ANKS1B: variants seen among roughly 807,000 people sequenced by gnomAD.
ANKS1B encodes ankyrin repeat and sterile alpha motif domain-containing protein 1B.
A neutral mutation model predicts 148.3 loss-of-function variants in ANKS1B; 36 were observed. That is an observed-to-expected ratio of 0.24 (90% CI 0.19 to 0.32). ANKS1B has a LOEUF of 0.32. Among genes scored for constraint, ANKS1B ranks in the 10% least tolerant of loss-of-function variants. The probability of loss-of-function intolerance (pLI) is 1.00; values close to 1 mark genes in which losing one functional copy is unlikely to be tolerated. For synonymous variants in ANKS1B, 542 were observed against 560.8 expected, an observed-to-expected ratio of 0.97 and a Z score of 0.47; for missense variants, 1,157 against 1,542.6, an observed-to-expected ratio of 0.75 and a Z score of 4.19.
At chr12:99,849,259 G>A (rs1428584502) in intron 1 of ANKS1B, among the ~76,000 whole-genome samples, 1 of 151,804 alleles carries the variant, frequency 6.6e-6, no homozygotes, top group Non-Finnish European at 1.5e-5. Flanking sequence ...ATATATATAT[G>A]TGTGTGTGTA....
At chr12:99,166,240 C>T (rs992567104) in intron 14 of ANKS1B, among the ~76,000 whole-genome samples, 1 of 151,296 alleles carries the variant, frequency 6.6e-6, no homozygotes, top group South Asian at 2.1e-4. Flanking sequence ...AACACTTCTA[C>T]CCAACATTGT....
intron 17 of ANKS1B, among the ~76,000 whole-genome samples, chr12:98,885,027 G>A (rs1260921409): frequency 6.6e-6 from 1 of 152,054 alleles, no homozygotes; most frequent in Non-Finnish European, 1.5e-5. Flanking sequence ...CAGTTGCACA[G>A]GCCCCAAATT....
intron 14 of ANKS1B, among the ~76,000 whole-genome samples, chr12:99,155,896 T>G (rs942094567): frequency 1.3e-5 from 2 of 152,134 alleles, no homozygotes; most frequent in Non-Finnish European, 2.9e-5. Context: ...CTTCCTACCT[T>G]GCTTCTACTC....
At chr12:98,791,187 A>T (rs916576728) in intron 22 of ANKS1B, among the ~76,000 whole-genome samples, 9 of 152,170 alleles carry the variant, frequency 5.9e-5, no homozygotes, top group African/African-American at 2.2e-4. Flanking sequence ...TCTACTAAAA[A>T]TACAAAAATT....
rs533155781 is a variant in ANKS1B, at chr12:99,919,727, C to T, written c.134+64377G>A. ...CATGGTAGCCTCTAGCCACAGGTGG[C>T]AAATTGAGCACTTGAAATATAGCTA... On this transcript the variant is annotated intron_variant, in intron 1 of 26. Transcript: ENST00000683438. Among the ~76,000 whole-genome samples, 17 of 139,778 alleles carry T rather than the reference C, an allele frequency of 1.2e-4. 1 individual carries two copies. The South Asian group carries it at 2.2e-3, about 18-fold the overall frequency. The allele number at this position is 139,778 out of a possible 152,430, so 91.7% of individuals were successfully genotyped here. A position where few individuals can be genotyped will look rare whatever the true frequency, so the allele number is the denominator to read the frequency against.
chr12:99,602,327 G>A (rs1365657224), intron 9 of ANKS1B, among the ~76,000 whole-genome samples: 1 of 152,032 alleles, frequency 6.6e-6, no homozygotes, highest in African/African-American at 2.4e-5. Context: ...TAATGGTTGT[G>A]TCTAATTTGA....
At chr12:99,136,902 G>T (rs969861443) in intron 15 of ANKS1B, among the ~76,000 whole-genome samples, 3 of 151,908 alleles carry the variant, frequency 2.0e-5, no homozygotes, top group African/African-American at 7.3e-5. Flanking sequence ...GTTGTCCTTG[G>T]CATCATTGTT....
intron 9 of ANKS1B, among the ~76,000 whole-genome samples, chr12:99,539,758 A>G (rs2097107440): frequency 6.6e-6 from 1 of 152,094 alleles, no homozygotes; most frequent in South Asian, 2.1e-4. Flanking sequence ...TCTTATAGAC[A>G]GGGCCTTGCT....
intron 17 of ANKS1B, among the ~76,000 whole-genome samples, chr12:98,921,012 A>G (rs1486397740): frequency 1.3e-5 from 2 of 152,230 alleles, no homozygotes; most frequent in African/African-American, 4.8e-5. Context: ...GATTCAATAC[A>G]TGTATATAAT....
In ANKS1B at chr12:99,123,965, G is replaced by A. The variant is rs2063612395; in HGVS notation, c.2526+30324C>T. On this transcript the variant is annotated intron_variant, in intron 15 of 26. Coordinates refer to ENST00000683438, the MANE Select transcript of ANKS1B (RefSeq NM_001352186.2). ...TTGTAACCATCACAATTGGAGTGGA[G>A]TGCTCAAGGGAAGAACAGAAGGTGA... Among the ~76,000 whole-genome samples the A allele has an allele frequency of 1.3e-5, 2 of 152,188 alleles. 1 individual carries two copies. The highest frequency in any genetic ancestry group is 4.8e-5 in the African/African-American group (2 of 41,440).
chr12:99,572,843 ATC>A (rs1369969048), intron 9 of ANKS1B, among the ~76,000 whole-genome samples: 3 of 152,128 alleles, frequency 2.0e-5, no homozygotes, highest in East Asian at 1.9e-4. Flanking sequence ...ATACAAATAA[ATC>A]TGTTTCAATT....
intron 17 of ANKS1B, among the ~76,000 whole-genome samples, chr12:99,017,215 G>T (rs1023025279): frequency 6.6e-6 from 1 of 152,138 alleles, no homozygotes; most frequent in Non-Finnish European, 1.5e-5. Context: ...GGTCATTCCT[G>T]GGTGTAGGCC....
chr12:98,874,661 G>A (rs182363469), intron 17 of ANKS1B, among the ~76,000 whole-genome samples: 13 of 152,096 alleles, frequency 8.5e-5, no homozygotes, highest in Admixed American at 8.5e-4. Flanking sequence ...AAAAGACTAG[G>A]AACCTGGTTA....
chr12:99,648,928 T>C (rs372551040), intron 9 of ANKS1B: 2 of 1,215,864 alleles, frequency 1.6e-6, no homozygotes. Context: ...GAGCTTCCAT[T>C]TGGAGGCCAT....
intron 9 of ANKS1B, among the ~76,000 whole-genome samples, chr12:99,520,148 GCTT>G (rs2153056260): frequency 6.6e-6 from 1 of 152,116 alleles, no homozygotes; most frequent in South Asian, 2.1e-4. Flanking sequence ...TTTTCTGTGT[GCTT>G]ATTATTGCCA....
chr12:98,979,541 G>C (rs942685125), intron 17 of ANKS1B, among the ~76,000 whole-genome samples: 7 of 152,150 alleles, frequency 4.6e-5, no homozygotes, highest in Admixed American at 3.3e-4. Flanking sequence ...AAAGTGCTGG[G>C]ATTACAGGCG....
chr12:99,934,265 T>C (rs1376421629), intron 1 of ANKS1B, among the ~76,000 whole-genome samples: 3 of 152,174 alleles, frequency 2.0e-5, no homozygotes, highest in Non-Finnish European at 4.4e-5. Context: ...GGTTTTGGTA[T>C]CAAGGTAATA....
intron 9 of ANKS1B, among the ~76,000 whole-genome samples, chr12:99,515,950 T>C (rs746989519): frequency 6.6e-6 from 1 of 152,162 alleles, no homozygotes; most frequent in Non-Finnish European, 1.5e-5. Context: ...TGTTTGCCAT[T>C]TGTATGTCTT....
intron 9 of ANKS1B, among the ~76,000 whole-genome samples, chr12:99,585,166 C>T (rs1004987538): frequency 6.6e-6 from 1 of 152,094 alleles, no homozygotes; most frequent in Non-Finnish European, 1.5e-5. Flanking sequence ...TAGTTACTTC[C>T]TAGATACAAT....
Sources: gnomAD v4.1 joint callset for allele counts (sites outside exome capture counted in the v4.1 genomes callset) on GRCh38, gnomAD v4.1.1 for gene constraint, MANE v1.5 for transcripts, NCBI Gene and HGNC (gene_info 2026-07-23, HGNC 2026-07-21) for gene names.